ATP10A: variants seen among roughly 807,000 people sequenced by gnomAD.
ATP10A encodes the protein ATPase phospholipid transporting 10A (putative), also known as phospholipid-transporting ATPase VA.
A neutral mutation model predicts 147.8 loss-of-function variants in ATP10A; 111 were observed. The ratio of observed to expected loss-of-function variants is 0.75; its 90% CI spans 0.64 to 0.88. ATP10A has a LOEUF of 0.88. Ranked by LOEUF, ATP10A falls within the 40% of genes least tolerant of loss-of-function variation. ATP10A has a pLI of 0.00. For synonymous variants in ATP10A, 875 were observed against 841.6 expected (o/e 1.04, Z -0.69); for missense variants, 1,927 against 1,959.0 (o/e 0.98, Z 0.31).
At chr15:25,829,248 A>T (rs1053368337) in intron 1 of ATP10A, among the ~76,000 whole-genome samples, 11 of 152,130 alleles carry the variant, frequency 7.2e-5, no homozygotes, top group African/African-American at 2.4e-4. Flanking sequence ...AAACCTCTCC[A>T]TGGCTGGCTG....
At chr15:25,737,897 A>G (rs1277867085) in intron 2 of ATP10A, among the ~76,000 whole-genome samples, 1 of 152,212 alleles carries the variant, frequency 6.6e-6, no homozygotes, top group Non-Finnish European at 1.5e-5. Flanking sequence ...AGCCAAAAAA[A>G]GAGGCCTCAA....
Position 25,701,950 on chromosome 15 carries a change from T to C in ATP10A, c.2726A>G (p.Asp909Gly). 1 of 1,612,464 alleles carries C rather than the reference T, an allele frequency of 6.2e-7. No individual in the cohort carries two copies. The highest frequency in any genetic ancestry group is 8.5e-7 in the Non-Finnish European group (1 of 1,179,204). ...IAYACKLLDH[D>G]EEVITLNATS... Reference sequence around the variant, plus strand: ...GGCATTCAGGGTGATGACCTCCTCGTCGTGGTCCAGCAGTTTGCAGGCATA... The same window carrying C: ...GGCATTCAGGGTGATGACCTCCTCGCCGTGGTCCAGCAGTTTGCAGGCATA... The change falls in exon 13 of 21, where the codon GAC becomes GGC. Residue 909 changes from aspartate (D) to glycine (G), a missense_variant. By Grantham distance (94) the Asp-to-Gly change is moderately conservative. Transcript: ENST00000555815.
chr15:25,760,704 G>A (rs914087918), intron 2 of ATP10A, among the ~76,000 whole-genome samples: 1 of 152,154 alleles, frequency 6.6e-6, no homozygotes, highest in Non-Finnish European at 1.5e-5. Flanking sequence ...CATGGAGCTG[G>A]GCACGGTGGC....
In ATP10A at chr15:25,713,816, G is replaced by C. The variant is rs903798185; in HGVS notation, c.2202C>G (p.Phe734Leu). The C allele has an allele frequency of 6.2e-7, 1 of 1,613,966 alleles. No individual in the cohort carries two copies. Among genetic ancestry groups the C allele is most frequent in the African/African-American group, 1.3e-5 (1 of 74,944 alleles). ...VELPHLGRLT[F>L]ELLHTLGFDS... ...CGAAACCCAGTGTGTGCAGGAGCTC[G>C]AAGGTGAGCCTGCCCAGGTGGGGCA... Residue 734 changes from phenylalanine (F) to leucine (L), a missense_variant, in exon 10 of 21, where the codon TTC becomes TTG. By Grantham distance (22) the Phe-to-Leu change is conservative. Transcript: ENST00000555815.
intron 7 of ATP10A, among the ~76,000 whole-genome samples, chr15:25,721,034 T>C (rs1387890670): frequency 2.0e-5 from 3 of 152,190 alleles, no homozygotes; most frequent in Non-Finnish European, 4.4e-5. Context: ...GCGGGGACCC[T>C]GGTCCATGCC....
intron 14 of ATP10A, among the ~76,000 whole-genome samples, chr15:25,693,461 G>C (rs8041510): frequency 0.78 from 118,299 of 152,218 alleles, 46,418 homozygotes; most frequent in Non-Finnish European, 0.85. Flanking sequence ...CGCGGCTGAG[G>C]CAGGCACTGG....
In ATP10A at chr15:25,679,193, A is replaced by C. The variant is rs755580136; in HGVS notation, c.*148T>G. The C allele has an allele frequency of 1.7e-6, 1 of 587,962 alleles. No homozygotes were observed. Among genetic ancestry groups the C allele is most frequent in the Non-Finnish European group, 2.4e-6 (1 of 415,720 alleles). 36.4% of individuals were successfully genotyped at this position (587,962 alleles called of 1,614,324 possible). ...TACTCTACTTAGAATTTTAAAAAAT[A>C]AACTTTCTTTTTTGGTACCTCTTGT... On this transcript the variant is annotated 3_prime_UTR_variant, in exon 21 of 21. Coordinates refer to ENST00000555815, the MANE Select transcript of ATP10A (RefSeq NM_024490.4).
chr15:25,824,560 T>TG (rs1016613056), intron 1 of ATP10A, among the ~76,000 whole-genome samples: 68 of 52,392 alleles, frequency 1.3e-3, no homozygotes, highest in African/African-American at 3.4e-3. Flanking sequence ...TTTGTGTGTG[T>TG]TTTTTTTTTT....
At chr15:25,861,231 G>T (rs1237893085) in intron 1 of ATP10A, among the ~76,000 whole-genome samples, 1 of 152,166 alleles carries the variant, frequency 6.6e-6, no homozygotes, top group South Asian at 2.1e-4. Flanking sequence ...TCAATCCCAG[G>T]CCTGCTGAGT....
chr15:25,848,233 G>T (rs1275936144), intron 1 of ATP10A, among the ~76,000 whole-genome samples: 1 of 152,054 alleles, frequency 6.6e-6, no homozygotes, highest in Admixed American at 6.6e-5. Flanking sequence ...TTAGCTTCCC[G>T]CTGCGGCAAC....
intron 1 of ATP10A, among the ~76,000 whole-genome samples, chr15:25,781,995 G>A (rs1889947704): frequency 6.6e-6 from 1 of 152,198 alleles, no homozygotes; most frequent in Non-Finnish European, 1.5e-5. Context: ...ACTGGAACAG[G>A]TATAGCAAGC....
At chr15:25,674,625 C>T (rs1025946204), downstream of ATP10A, among the ~76,000 whole-genome samples, 2 of 152,232 alleles carry the variant, frequency 1.3e-5, no homozygotes, top group Non-Finnish European at 2.9e-5. Flanking sequence ...TTTTGCATTT[C>T]TCTCTGGATT....
chr15:25,747,381 T>A (rs1021537019), intron 2 of ATP10A, among the ~76,000 whole-genome samples: 7 of 151,322 alleles, frequency 4.6e-5, no homozygotes, highest in African/African-American at 1.7e-4. Context: ...ATTAATAGTC[T>A]ACTTGACTAT....
At chr15:25,843,444 G>T (rs1892896973) in intron 1 of ATP10A, among the ~76,000 whole-genome samples, 1 of 152,112 alleles carries the variant, frequency 6.6e-6, no homozygotes, top group African/African-American at 2.4e-5. Flanking sequence ...GCTGAACTGT[G>T]CCTCTGTATA....
chr15:25,736,620 G>C (rs1288493134), intron 2 of ATP10A, among the ~76,000 whole-genome samples: 1 of 152,078 alleles, frequency 6.6e-6, no homozygotes, highest in Non-Finnish European at 1.5e-5. Context: ...GCCAATGAGT[G>C]AGCCAACAAC....
At chr15:25,677,426 C>G (rs536373037), downstream of ATP10A, 9 of 152,218 alleles carry the variant, frequency 5.9e-5, no homozygotes, top group East Asian at 1.6e-3. Context: ...TTCCCAAGAG[C>G]AAGCATCTAC....
At chr15:25,850,084 C>T (rs1893214549) in intron 1 of ATP10A, among the ~76,000 whole-genome samples, 1 of 152,194 alleles carries the variant, frequency 6.6e-6, no homozygotes, top group Non-Finnish European at 1.5e-5. Flanking sequence ...TAAGATTACC[C>T]TTTTTGAGAA....
At chr15:25,716,651 C>T in intron 9 of ATP10A, 79 bp downstream of exon 9, 1 of 1,363,358 alleles carries the variant, frequency 7.3e-7, no homozygotes, top group Non-Finnish European at 9.9e-7. Flanking sequence ...GGGAAGGGCG[C>T]CTGCCCTCAG....
chr15:25,813,892 T>C (rs1567404494), intron 1 of ATP10A, among the ~76,000 whole-genome samples: 1 of 151,922 alleles, frequency 6.6e-6, no homozygotes, highest in Non-Finnish European at 1.5e-5. Flanking sequence ...ACATCAGTAA[T>C]CTATGGGACA....
Sources: allele counts gnomAD v4.1 joint callset (sites outside exome capture counted in the v4.1 genomes callset), GRCh38; gene constraint gnomAD v4.1.1; transcripts MANE v1.5; gene names NCBI Gene and HGNC (gene_info 2026-07-23, HGNC 2026-07-21).